Variants in ABCA12 observed in about 807,000 individuals in gnomAD.
ABCA12 encodes the protein glucosylceramide transporter ABCA12.
In ABCA12, 156 loss-of-function variants were observed where a neutral mutation model predicts 293.5. The ratio of observed to expected loss-of-function variants is 0.53; its 90% CI spans 0.47 to 0.61. The LOEUF (loss-of-function observed/expected upper bound fraction) is 0.61. Ranked by LOEUF, ABCA12 falls within the 20% of genes least tolerant of loss-of-function variation. The probability of loss-of-function intolerance (pLI) is 0.00; values close to 1 mark genes in which losing one functional copy is unlikely to be tolerated. For missense variants in ABCA12, 2,797 were observed against 3,090.2 expected (o/e 0.91, Z 2.25); for synonymous variants, 1,063 against 1,108.0 (o/e 0.96, Z 0.81).
chr2:215,109,705 AT>A (rs1399650628), intron 2 of ABCA12, among the ~76,000 whole-genome samples: 1 of 152,176 alleles, frequency 6.6e-6, no homozygotes, highest in Non-Finnish European at 1.5e-5. Context: ...ATTTAGTAGA[AT>A]TATAAGAGCT....
In ABCA12 at chr2:214,936,376, A is replaced by G. The variant is rs764071752; in HGVS notation, c.7542+1134T>C. ...AATAGTGGGACACTCCTGTATTCCTATTTACAAATGAGAAAAATGAGGCTC... is the reference window on the plus strand; with the variant it reads ...AATAGTGGGACACTCCTGTATTCCTGTTTACAAATGAGAAAAATGAGGCTC... On this transcript the variant is annotated intron_variant, in intron 51 of 52. Coordinates refer to ENST00000272895, the MANE Select transcript of ABCA12 (RefSeq NM_173076.3). Among the ~76,000 whole-genome samples the G allele has an allele frequency of 4.6e-5, 7 of 152,276 alleles. 1 individual carries two copies. The highest frequency in any genetic ancestry group is 6.8e-3 in the Middle Eastern group (2 of 294).
In ABCA12 at chr2:215,015,538, G is replaced by C. The variant is rs777182637; in HGVS notation, c.1908C>G (p.Ile636Met). The C allele has an allele frequency of 4.3e-6, 7 of 1,614,080 alleles. No homozygotes were observed. In the Admixed American group the frequency reaches 1.2e-4, roughly 27 times the overall value. Residue 636 changes from isoleucine (I) to methionine (M), a missense_variant, in exon 15 of 53, where the codon ATC (isoleucine) becomes ATG (methionine). Coordinates refer to ENST00000272895, the MANE Select transcript of ABCA12 (RefSeq NM_173076.3). Reference sequence around the variant, plus strand: ...TTAAGTAGTGCAGAAGGGTGAGTCCGATGAGGTAAGACTGCCGGGATCTCT... The same window carrying C: ...TTAAGTAGTGCAGAAGGGTGAGTCCCATGAGGTAAGACTGCCGGGATCTCT... ...LSERSRQSYLIGLTLLHYLNI... is the reference protein window; with the variant it reads ...LSERSRQSYLMGLTLLHYLNI...
At chr2:215,038,868 A>C (rs1314393387) in intron 7 of ABCA12, 1 of 152,252 alleles carries the variant, frequency 6.6e-6, no homozygotes, top group Admixed American at 6.5e-5. Flanking sequence ...AACTGAATAA[A>C]TAATGACACC....
At chr2:214,966,981 C>A in intron 38 of ABCA12, 28 bp from the exon 39 acceptor site, 1 of 1,545,894 alleles carries the variant, frequency 6.5e-7, no homozygotes, top group East Asian at 2.3e-5. Flanking sequence ...AAGGCAAGAT[C>A]AATATTGCAT....
At chr2:215,080,630 C>A (rs1037115458) in intron 2 of ABCA12, 3 of 152,598 alleles carry the variant, frequency 2.0e-5, no homozygotes, top group Admixed American at 6.6e-5. Context: ...AAACAATCAC[C>A]CTAGGCTGTT....
chr2:214,974,734 C>A, intron 35 of ABCA12, 44 bp downstream of exon 35: 1 of 1,582,552 alleles, frequency 6.3e-7, no homozygotes, highest in Non-Finnish European at 8.7e-7. Context: ...CACACTCAAA[C>A]TGGAATGCTG....
intron 17 of ABCA12, 145 bp from the exon 18 acceptor site, chr2:215,010,615 G>A (rs1700351233): frequency 2.1e-6 from 2 of 955,186 alleles, no homozygotes; most frequent in East Asian, 5.3e-5. Flanking sequence ...TGAGGCATCT[G>A]GTGTCAAAGT....
chr2:215,015,444 T>G (rs1368228490), intron 15 of ABCA12, 46 bp downstream of exon 15: 13 of 1,529,478 alleles, frequency 8.5e-6, no homozygotes, highest in Non-Finnish European at 1.2e-5. Context: ...TTAAATAGTT[T>G]TATATAAACC....
chr2:215,100,706 G>A (rs775450800), intron 2 of ABCA12, among the ~76,000 whole-genome samples: 12 of 152,030 alleles, frequency 7.9e-5, no homozygotes, highest in Non-Finnish European at 7.4e-5. Context: ...AGGTCAGAAC[G>A]CAGTCCTGCT....
rs968153552 is a variant in ABCA12 at position 215,037,015 on chromosome 2, C to G, written c.923G>C (p.Gly308Ala). The G allele has an allele frequency of 6.8e-6, 11 of 1,613,804 alleles. No homozygotes were observed. Among genetic ancestry groups the G allele is most frequent in the Admixed American group, 1.7e-5 (1 of 59,988 alleles). Residue 308 changes from glycine to alanine, a missense_variant, in exon 8 of 53, where the codon GGT (glycine) becomes GCT (alanine). Gly to Ala is a moderately conservative substitution (Grantham distance 60). Transcript: ENST00000272895. ...KVYPRFATNE[G>A]FRTLQKSVKH... ...AACAGACTTCTGGAGGGTTCTGAAA[C>G]CTTCGTTAGTTGCAAAACGTGGATA...
chr2:215,060,342 T>A (rs754000156), intron 3 of ABCA12, among the ~76,000 whole-genome samples: 9 of 152,088 alleles, frequency 5.9e-5, no homozygotes, highest in Non-Finnish European at 1.3e-4. Flanking sequence ...ATATTCTTAT[T>A]GAATGAATGG....
intron 30 of ABCA12, among the ~76,000 whole-genome samples, chr2:214,980,896 C>G (rs865988883): frequency 6.6e-6 from 1 of 151,988 alleles, no homozygotes; most frequent in Non-Finnish European, 1.5e-5. Flanking sequence ...GTCAGGAGTT[C>G]GAAACCAGCC....
intron 47 of ABCA12, 126 bp downstream of exon 47, chr2:214,948,470 A>C (rs1023082327): frequency 1.4e-5 from 14 of 1,020,302 alleles, no homozygotes; most frequent in Non-Finnish European, 2.0e-5. Context: ...GGAAAATGAC[A>C]ATGTTTTCCA....
chr2:215,080,461 C>T (rs1271833590), intron 2 of ABCA12, among the ~76,000 whole-genome samples: 1 of 151,670 alleles, frequency 6.6e-6, no homozygotes, highest in Non-Finnish European at 1.5e-5. Context: ...TGAGATTGTG[C>T]CACTGCACTG....
intron 8 of ABCA12, among the ~76,000 whole-genome samples, chr2:215,036,423 G>A (rs561318625): frequency 1.6e-4 from 24 of 152,098 alleles, no homozygotes; most frequent in African/African-American, 5.5e-4. Context: ...TGGCAAGTAG[G>A]GATTTATTCC....
chr2:215,033,168 T>C (rs541436980), intron 8 of ABCA12, among the ~76,000 whole-genome samples: 2 of 152,300 alleles, frequency 1.3e-5, no homozygotes, highest in East Asian at 1.9e-4. Flanking sequence ...ATCAGTGAGT[T>C]AAAGGGCCAA....
At chr2:215,137,224 G>A (rs1042599918) in intron 1 of ABCA12, among the ~76,000 whole-genome samples, 1 of 152,062 alleles carries the variant, frequency 6.6e-6, no homozygotes, top group South Asian at 2.1e-4. Context: ...AAAGTGTCAG[G>A]CAATCCAAGC....
intron 48 of ABCA12, 144 bp from the exon 49 acceptor site, chr2:214,945,248 C>A (rs995869201): frequency 1.8e-5 from 12 of 668,716 alleles, no homozygotes; most frequent in South Asian, 5.3e-5. Context: ...TAATAGACTT[C>A]TTTCTGCTGC....
chr2:215,009,263 G>C (rs1374466038), intron 18 of ABCA12, among the ~76,000 whole-genome samples: 1 of 152,132 alleles, frequency 6.6e-6, no homozygotes, highest in Non-Finnish European at 1.5e-5. Context: ...TTATAAGCAG[G>C]AGTTAAATGA....
Sources: allele counts gnomAD v4.1 joint callset (sites outside exome capture counted in the v4.1 genomes callset), GRCh38; gene constraint gnomAD v4.1.1; transcripts MANE v1.5; gene names NCBI Gene and HGNC (gene_info 2026-07-23, HGNC 2026-07-21).